Variants in LYZL4 observed in about 807,000 individuals in gnomAD.
The protein encoded by LYZL4 is lysozyme-like protein 4.
Under a neutral mutation model 17.6 loss-of-function variants are expected in LYZL4, and 13 were observed. That is an observed-to-expected ratio of 0.74 (90% CI 0.48 to 1.18). The LOEUF is 1.18. LYZL4 is among the 50% of genes most tolerant of loss of function. The probability of loss-of-function intolerance (pLI) is 0.00; values close to 1 mark genes in which losing one functional copy is unlikely to be tolerated. For missense variants in LYZL4, 174 were observed against 188.2 expected (o/e 0.92, Z 0.44); for synonymous variants, 64 against 67.7 (o/e 0.95, Z 0.27).
At chr3:42,399,380 T>C (rs1441542479) in intron 4 of LYZL4, among the ~76,000 whole-genome samples, 1 of 152,202 alleles carries the variant, frequency 6.6e-6, no homozygotes, top group African/African-American at 2.4e-5. Flanking sequence ...AAGATGCTCA[T>C]GATAGAATTT....
chr3:42,385,346 A>G, the LYZL4 span, among the ~76,000 whole-genome samples: 1 of 152,210 alleles, frequency 6.6e-6, no homozygotes, highest in Non-Finnish European at 1.5e-5. Context: ...AGCTATGTTT[A>G]GATACACGAA....
At chr3:42,381,979 C>T in the LYZL4 span, among the ~76,000 whole-genome samples, 1 of 152,208 alleles carries the variant, frequency 6.6e-6, no homozygotes, top group Non-Finnish European at 1.5e-5. Flanking sequence ...CTAGGGATCA[C>T]ACTGTATTCC....
downstream of LYZL4, among the ~76,000 whole-genome samples, chr3:42,394,566 C>T (rs540532835): frequency 6.6e-6 from 1 of 152,262 alleles, no homozygotes; most frequent in African/African-American, 2.4e-5. Flanking sequence ...AATATGATAG[C>T]TGCTGGTAAC....
intron 4 of LYZL4, among the ~76,000 whole-genome samples, chr3:42,400,084 A>G (rs1698629355): frequency 6.6e-6 from 1 of 152,230 alleles, no homozygotes; most frequent in Non-Finnish European, 1.5e-5. Flanking sequence ...TCTGAGACAG[A>G]CATAACCTTC....
the LYZL4 span, among the ~76,000 whole-genome samples, chr3:42,383,160 T>C: frequency 6.6e-6 from 1 of 152,118 alleles, no homozygotes; most frequent in South Asian, 2.1e-4. Context: ...AGGAGTATTA[T>C]ACTGAAAACA....
chr3:42,397,432 C>G, intron 4 of LYZL4, 98 bp from the exon 5 acceptor site: 2 of 792,458 alleles, frequency 2.5e-6, no homozygotes, highest in South Asian at 3.3e-5. Context: ...CTGCCTGCCC[C>G]TTGGAGCCTT....
the LYZL4 span, among the ~76,000 whole-genome samples, chr3:42,361,631 G>A: frequency 2.0e-5 from 3 of 152,000 alleles, no homozygotes; most frequent in African/African-American, 7.3e-5. Context: ...TTGTCAGCCT[G>A]AGTTGGGAGG....
At chr3:42,378,728 A>T in the LYZL4 span, among the ~76,000 whole-genome samples, 1 of 152,194 alleles carries the variant, frequency 6.6e-6, no homozygotes, top group African/African-American at 2.4e-5. Flanking sequence ...TCTCTATATT[A>T]GTAAGATGGA....
chr3:42,367,676 C>T, the LYZL4 span, among the ~76,000 whole-genome samples: 1 of 152,164 alleles, frequency 6.6e-6, no homozygotes, highest in African/African-American at 2.4e-5. Context: ...CCAAAGGAAG[C>T]CCTGCCTTCC....
chr3:42,379,875 T>TA, the LYZL4 span, among the ~76,000 whole-genome samples: 1 of 152,084 alleles, frequency 6.6e-6, no homozygotes, highest in African/African-American at 2.4e-5. Context: ...CTCATGGGGG[T>TA]AGGACCCTTA....
chr3:42,409,539 TC>T (rs1444083243), intron 1 of LYZL4, among the ~76,000 whole-genome samples: 1 of 152,136 alleles, frequency 6.6e-6, no homozygotes, highest in Admixed American at 6.5e-5. Context: ...TCCTCCCCTC[TC>T]CCCCAGAAGC....
chr3:42,393,365 A>C (rs1000574324), downstream of LYZL4, among the ~76,000 whole-genome samples: 41 of 150,986 alleles, frequency 2.7e-4, no homozygotes, highest in African/African-American at 9.7e-4. Context: ...ACACACACAC[A>C]ACCAGGCCCT....
the LYZL4 span, among the ~76,000 whole-genome samples, chr3:42,373,593 C>T: frequency 5.9e-5 from 9 of 152,176 alleles, no homozygotes; most frequent in South Asian, 1.7e-3. Flanking sequence ...ACCTTAAGAA[C>T]GACCACTTTT....
chr3:42,378,317 G>GT, the LYZL4 span, among the ~76,000 whole-genome samples: 1 of 152,186 alleles, frequency 6.6e-6, no homozygotes, highest in Admixed American at 6.5e-5. Flanking sequence ...AGGCCCAACT[G>GT]TTTAACTCCC....
intron 4 of LYZL4, among the ~76,000 whole-genome samples, chr3:42,400,607 T>C (rs1303324874): frequency 6.6e-6 from 1 of 152,222 alleles, no homozygotes; most frequent in East Asian, 1.9e-4. Context: ...AATGATTTAA[T>C]AACAGCTTTG....
chr3:42,405,347 C>T (rs922457946), intron 3 of LYZL4, among the ~76,000 whole-genome samples: 2 of 152,154 alleles, frequency 1.3e-5, no homozygotes, highest in South Asian at 2.1e-4. Flanking sequence ...CGCGCCTGGC[C>T]GCTCATGTCA....
the LYZL4 span, among the ~76,000 whole-genome samples, chr3:42,374,433 G>A: frequency 5.9e-5 from 9 of 152,170 alleles, no homozygotes; most frequent in Admixed American, 6.5e-5. Flanking sequence ...ATTCTTCACT[G>A]TAGTCAGAAT....
chr3:42,384,204 C>T, the LYZL4 span, among the ~76,000 whole-genome samples: 3 of 152,068 alleles, frequency 2.0e-5, no homozygotes, highest in Non-Finnish European at 4.4e-5. Context: ...AGTTCTGCAC[C>T]CAACCGAAGT....
chr3:42,403,914 C>T (rs1448592278), intron 4 of LYZL4, 132 bp downstream of exon 4: 1 of 569,280 alleles, frequency 1.8e-6, no homozygotes, highest in Non-Finnish European at 3.1e-6. Context: ...TTTTCTGCTA[C>T]TTACCTTGGT....
Sources: allele counts gnomAD v4.1 joint callset (sites outside exome capture counted in the v4.1 genomes callset), GRCh38; gene constraint gnomAD v4.1.1; transcripts MANE v1.5; gene names NCBI Gene and HGNC (gene_info 2026-07-23, HGNC 2026-07-21).